Variants in ARHGAP8 observed in about 807,000 individuals in gnomAD.
The protein encoded by ARHGAP8 is rho GTPase-activating protein 8.
ARHGAP8 carries 62 observed loss-of-function variants against 46.1 expected under a neutral mutation model. The observed-to-expected ratio is 1.34, with a 90% CI of 1.10 to 1.66. The LOEUF is 1.66. Among genes scored for constraint, ARHGAP8 ranks in the 40% most tolerant of loss-of-function variants. The pLI is 0.00. For synonymous variants in ARHGAP8, 375 were observed against 243.1 expected, an observed-to-expected ratio of 1.54 and a Z score of -5.05; for missense variants, 923 against 568.4, an observed-to-expected ratio of 1.62 and a Z score of -6.34.
At chr22:44,849,272 G>A in intron 10 of ARHGAP8, 1 of 870,980 alleles carries the variant, frequency 1.1e-6, no homozygotes. Context: ...AGAGGAGGTG[G>A]GGTCGGTCAG....
At chr22:44,806,317 T>C in intron 3 of ARHGAP8, among the ~76,000 whole-genome samples, 1 of 152,276 alleles carries the variant, frequency 6.6e-6, no homozygotes, top group South Asian at 2.1e-4. Context: ...GAAAATGAGT[T>C]TTGAAGTTAC....
chr22:44,794,663 T>C (rs934724665), intron 2 of ARHGAP8, among the ~76,000 whole-genome samples: 4 of 152,060 alleles, frequency 2.6e-5, no homozygotes, highest in African/African-American at 9.7e-5. Flanking sequence ...TGAGCCGAGA[T>C]TGGGCCACTG....
intron 7 of ARHGAP8, among the ~76,000 whole-genome samples, chr22:44,840,034 G>C (rs1931549726): frequency 1.3e-5 from 2 of 152,214 alleles, no homozygotes; most frequent in South Asian, 4.1e-4. Context: ...CCAGCCTGAT[G>C]TTCCCACGGT....
intron 1 of ARHGAP8, among the ~76,000 whole-genome samples, chr22:44,767,984 CTTTTTTTT>C (rs1167255172): frequency 1.2e-3 from 59 of 47,204 alleles, no homozygotes; most frequent in African/African-American, 4.6e-3. Context: ...CGCATGATGT[CTTTTTTTT>C]TTTTTTTTTT....
intron 2 of ARHGAP8, among the ~76,000 whole-genome samples, chr22:44,788,211 C>T (rs547207450): frequency 2.0e-5 from 3 of 152,038 alleles, no homozygotes; most frequent in South Asian, 2.1e-4. Flanking sequence ...CTCCACCTCC[C>T]GTGTTCAAGT....
At chr22:44,814,868 G>GCCCCAGATACACAGGCAC in intron 5 of ARHGAP8, 110 bp downstream of exon 5, 1 of 1,326,036 alleles carries the variant, frequency 7.5e-7, no homozygotes, top group Non-Finnish European at 1.0e-6. Flanking sequence ...TCTCCAGGGT[G>GCCCCAGATACACAGGCAC]CCTGTGTATC....
At position 44,862,416 on chromosome 22, in the gene ARHGAP8, G is replaced by C. The variant is rs144526462; in HGVS notation, c.1123G>C (p.Glu375Gln). The C allele has an allele frequency of 6.8e-6, 11 of 1,613,962 alleles. No homozygotes were observed. The East Asian group carries it at 8.9e-5, about 13-fold the overall frequency. ...PLNMFTELLIEYYEKIFSTPE... is the reference protein window; with the variant it reads ...PLNMFTELLIQYYEKIFSTPE... ...GAACATGTTCACTGAACTGCTGATC[G>C]AGTACTATGAAAAGATCTTCAGCAC... Residue 375 changes from glutamate (E) to glutamine (Q), a missense_variant, in exon 12 of 12, where the codon GAG (glutamate) becomes CAG (glutamine). By Grantham distance (29) the Glu-to-Gln change is conservative. Coordinates refer to ENST00000356099, the MANE Select transcript of ARHGAP8 (RefSeq NM_181335.3).
intron 1 of ARHGAP8, among the ~76,000 whole-genome samples, chr22:44,774,974 G>A (rs132477): frequency 0.81 from 122,042 of 150,898 alleles, 49,481 homozygotes; most frequent in South Asian, 0.87. Context: ...GGGACAACAG[G>A]CACTCACCAC....
At chr22:44,808,655 T>A in intron 4 of ARHGAP8, 1 of 888,092 alleles carries the variant, frequency 1.1e-6, no homozygotes, top group Non-Finnish European at 1.8e-6. Flanking sequence ...TTTTTTTCTT[T>A]CTTTCTTTTT....
At chr22:44,820,771 C>T (rs758952788) in intron 5 of ARHGAP8, among the ~76,000 whole-genome samples, 15 of 152,196 alleles carry the variant, frequency 9.9e-5, no homozygotes, top group East Asian at 1.9e-4. Context: ...CCTCAGCCCC[C>T]GGGTCCGATT....
intron 7 of ARHGAP8, among the ~76,000 whole-genome samples, chr22:44,839,786 C>T (rs1054452866): frequency 3.9e-5 from 6 of 152,206 alleles, no homozygotes; most frequent in Admixed American, 6.5e-5. Flanking sequence ...TTACCTGTTA[C>T]CACTTCACAG....
chr22:44,785,467 C>T (rs1019558357), intron 1 of ARHGAP8, among the ~76,000 whole-genome samples: 1 of 152,154 alleles, frequency 6.6e-6, no homozygotes, highest in South Asian at 2.1e-4. Context: ...CCGCATCACA[C>T]TAGTCTGTGA....
rs139715390 is a variant in ARHGAP8, at chr22:44,859,883, C to G, written c.981+49C>G. 597 of 1,596,452 alleles carry G rather than the reference C, an allele frequency of 3.7e-4. 8 individuals carry two copies. In the East Asian group the frequency reaches 0.012, roughly 33 times the overall value. On this transcript the variant is annotated intron_variant, in intron 11 of 11. Coordinates refer to ENST00000356099, the MANE Select transcript of ARHGAP8 (RefSeq NM_181335.3). ...GGGGTGAAGCCCAGTGGCCTTCCCT[C>G]CCATGCTGGGCCCGCATGGACCAGT...
At chr22:44,853,455 C>T (rs918236747) in intron 10 of ARHGAP8, among the ~76,000 whole-genome samples, 2 of 152,098 alleles carry the variant, frequency 1.3e-5, no homozygotes, top group African/African-American at 4.8e-5. Flanking sequence ...AGCGTCGTAG[C>T]CAGATATTGG....
intron 11 of ARHGAP8, 96 bp downstream of exon 11, chr22:44,859,930 G>A (rs982172173): frequency 9.8e-6 from 14 of 1,427,092 alleles, no homozygotes; most frequent in African/African-American, 8.4e-5. Flanking sequence ...CCTGGGTCTG[G>A]GGTCATGCCC....
chr22:44,853,103 A>C (rs2070137471), intron 10 of ARHGAP8, among the ~76,000 whole-genome samples: 1 of 139,288 alleles, frequency 7.2e-6, no homozygotes, highest in Non-Finnish European at 1.5e-5. Context: ...TGTCCGGCCT[A>C]AACTCCATTT....
intron 1 of ARHGAP8, among the ~76,000 whole-genome samples, chr22:44,779,043 C>T (rs994032522): frequency 5.3e-5 from 8 of 151,208 alleles, no homozygotes; most frequent in Non-Finnish European, 8.8e-5. Flanking sequence ...GGAATGGATA[C>T]GTAACGAAAA....
chr22:44,793,676 T>C lies in ARHGAP8; in HGVS notation c.79+7070T>C, dbSNP rs1266975015. Among the ~76,000 whole-genome samples, 100 of 152,314 alleles carry C rather than the reference T, an allele frequency of 6.6e-4. 2 individuals are homozygous for C. Among genetic ancestry groups the C allele is most frequent in the Admixed American group, 6.5e-3 (99 of 15,302 alleles). On this transcript the variant is annotated intron_variant, in intron 2 of 11. Coordinates refer to ENST00000356099, the MANE Select transcript of ARHGAP8 (RefSeq NM_181335.3). ...ATGGCTGTGGGAATCGTTTCTTTAT[T>C]CATAAACCAGGCTTCTCCTATTGCA...
intron 10 of ARHGAP8, among the ~76,000 whole-genome samples, chr22:44,851,348 C>T (rs2070088279): frequency 6.6e-6 from 1 of 152,116 alleles, no homozygotes; most frequent in Non-Finnish European, 1.5e-5. Flanking sequence ...GAAAAGCATG[C>T]CAGTTTATTT....
Sources: allele counts gnomAD v4.1 joint callset (sites outside exome capture counted in the v4.1 genomes callset), GRCh38; gene constraint gnomAD v4.1.1; transcripts MANE v1.5; gene names NCBI Gene and HGNC (gene_info 2026-07-23, HGNC 2026-07-21).